The following HNRNPC variants were observed in gnomAD, a reference collection of about 807,000 sequenced individuals.
The protein encoded by HNRNPC is heterogeneous nuclear ribonucleoprotein C, also known as heterogeneous nuclear ribonucleoproteins C1/C2.
In HNRNPC, 3 loss-of-function variants were observed where a neutral mutation model predicts 33.2. The ratio of observed to expected loss-of-function variants is 0.09; its 90% CI spans 0.04 to 0.23. HNRNPC has a LOEUF of 0.23. HNRNPC is among the 10% of genes least tolerant of loss of function. The pLI is 1.00. For synonymous variants in HNRNPC, 121 were observed against 126.7 expected (o/e 0.96, Z 0.30); for missense variants, 143 against 366.7 (o/e 0.39, Z 4.98).
At chr14:21,246,524 G>A (rs555291008) in intron 2 of HNRNPC, among the ~76,000 whole-genome samples, 16 of 148,728 alleles carry the variant, frequency 1.1e-4, no homozygotes, top group Admixed American at 6.1e-4. Flanking sequence ...TGGAGATTGC[G>A]CCACTGCACT....
intron 2 of HNRNPC, 93 bp downstream of exon 2, chr14:21,263,218 A>G (rs1276461287): frequency 6.6e-6 from 1 of 152,368 alleles, no homozygotes; most frequent in Non-Finnish European, 1.5e-5. Context: ...GTATTAATAT[A>G]ATAATAATAA....
chr14:21,263,160 G>A (rs1423730903), intron 2 of HNRNPC, 151 bp downstream of exon 2: 4 of 152,128 alleles, frequency 2.6e-5, no homozygotes, highest in Admixed American at 6.6e-5. Flanking sequence ...ATTTTAATCC[G>A]GTTAAAAATC....
At chr14:21,254,779 G>T (rs185723234) in intron 2 of HNRNPC, among the ~76,000 whole-genome samples, 1,928 of 152,212 alleles carry the variant, frequency 0.013, 37 homozygotes, top group African/African-American at 0.044. Flanking sequence ...GGTGGCAGGC[G>T]CCTGTAATCC....
intron 5 of HNRNPC, among the ~76,000 whole-genome samples, chr14:21,228,769 A>C (rs1265403994): frequency 1.3e-5 from 2 of 152,040 alleles, no homozygotes; most frequent in Non-Finnish European, 2.9e-5. Context: ...AGTTTTCAAA[A>C]TGTTCACACA....
At chr14:21,224,657 G>A (rs975246251) in intron 5 of HNRNPC, among the ~76,000 whole-genome samples, 2 of 152,030 alleles carry the variant, frequency 1.3e-5, no homozygotes, top group Non-Finnish European at 2.9e-5. Context: ...TCTAGCCACA[G>A]GCCTGTTTCT....
chr14:21,261,536 G>A (rs8015334), intron 2 of HNRNPC, among the ~76,000 whole-genome samples: 8,881 of 152,100 alleles, frequency 0.058, 508 homozygotes, highest in Admixed American at 0.18. Context: ...CTTTTCATCC[G>A]AGTATGGTAT....
At chr14:21,257,830 G>C (rs1047890209) in intron 2 of HNRNPC, among the ~76,000 whole-genome samples, 1 of 151,934 alleles carries the variant, frequency 6.6e-6, no homozygotes, top group African/African-American at 2.4e-5. Context: ...CAAAGTGCTG[G>C]GATTATAGGC....
At chr14:21,243,308 C>A (rs1175308882) in intron 2 of HNRNPC, among the ~76,000 whole-genome samples, 1 of 152,110 alleles carries the variant, frequency 6.6e-6, no homozygotes, top group South Asian at 2.1e-4. Context: ...CAGTGCGTAT[C>A]ATGTTTGCTG....
chr14:21,259,857 GAAACAA>G (rs1877873373), intron 2 of HNRNPC, among the ~76,000 whole-genome samples: 1 of 121,222 alleles, frequency 8.2e-6, no homozygotes. Flanking sequence ...ACCAGCCTGG[GAAACAA>G]AATGAGACCT....
At chr14:21,248,715 T>C (rs1896276616) in intron 2 of HNRNPC, among the ~76,000 whole-genome samples, 1 of 152,088 alleles carries the variant, frequency 6.6e-6, no homozygotes, top group Admixed American at 6.6e-5. Context: ...AACAAGCAAA[T>C]ACATTTTTAA....
At chr14:21,262,467 G>C (rs1357462010) in intron 2 of HNRNPC, 1 of 152,216 alleles carries the variant, frequency 6.6e-6, no homozygotes, top group Non-Finnish European at 1.5e-5. Flanking sequence ...TCCCCCTTGG[G>C]AAACACCTCA....
intron 5 of HNRNPC, among the ~76,000 whole-genome samples, chr14:21,226,329 A>G (rs1240129108): frequency 1.5e-5 from 1 of 65,316 alleles, no homozygotes; most frequent in African/African-American, 6.0e-5. Context: ...TTCCAAAAGA[A>G]AAAAAAAAAA....
At chr14:21,224,085 CATAT>C (rs1195442094) in intron 5 of HNRNPC, among the ~76,000 whole-genome samples, 1 of 152,110 alleles carries the variant, frequency 6.6e-6, no homozygotes, top group Non-Finnish European at 1.5e-5. Flanking sequence ...TCCCTTCATA[CATAT>C]ATATAAACAA....
intron 2 of HNRNPC, among the ~76,000 whole-genome samples, chr14:21,253,483 AAAGAT>A (rs1277627471): frequency 6.1e-5 from 9 of 146,848 alleles, no homozygotes; most frequent in South Asian, 4.3e-4. Flanking sequence ...AAAAAAAAAA[AAAGAT>A]AGCACCAAAG....
intron 2 of HNRNPC, 180 bp downstream of exon 2, chr14:21,263,131 A>C (rs2139042130): frequency 6.6e-6 from 1 of 152,308 alleles, no homozygotes; most frequent in East Asian, 1.9e-4. Flanking sequence ...AAATTCTTAG[A>C]AACATTCAGA....
intron 2 of HNRNPC, among the ~76,000 whole-genome samples, chr14:21,238,161 C>A (rs1188003049): frequency 2.0e-5 from 3 of 152,126 alleles, no homozygotes; most frequent in Admixed American, 6.5e-5. Context: ...TTGCTTTTTG[C>A]CTCATACAGA....
intron 5 of HNRNPC, among the ~76,000 whole-genome samples, chr14:21,214,530 A>G (rs576930219): frequency 1.3e-5 from 2 of 152,168 alleles, no homozygotes; most frequent in Non-Finnish European, 2.9e-5. Context: ...AGGTGAGAGA[A>G]CCATGACTGC....
At chr14:21,220,609 G>A in intron 5 of HNRNPC, among the ~76,000 whole-genome samples, 1 of 152,116 alleles carries the variant, frequency 6.6e-6, no homozygotes, top group East Asian at 1.9e-4. Flanking sequence ...GTAAATAAAT[G>A]AAGTTCCCAA....
chr14:21,232,399 ACAGAGTCTTGCCCCATTGCC>A (rs1894211623), intron 3 of HNRNPC, among the ~76,000 whole-genome samples: 1 of 152,114 alleles, frequency 6.6e-6, no homozygotes, highest in Non-Finnish European at 1.5e-5. Context: ...ATTTTTTTAG[ACAGAGTCTTGCCCCATTGCC>A]CAGGCTGGAG....
Sources: gnomAD v4.1 joint callset for allele counts (sites outside exome capture counted in the v4.1 genomes callset) on GRCh38, gnomAD v4.1.1 for gene constraint, MANE v1.5 for transcripts, NCBI Gene and HGNC (gene_info 2026-07-23, HGNC 2026-07-21) for gene names.